PGCKA1: variants seen among roughly 807,000 people sequenced by gnomAD.
The protein encoded by PGCKA1 is PDCD10 and GCKIII kinases associated 1.
chr4:37,463,645 C>A, the PGCKA1 span, among the ~76,000 whole-genome samples: 17 of 152,034 alleles, frequency 1.1e-4, no homozygotes, highest in Non-Finnish European at 2.9e-5. Flanking sequence ...CAGCACAGGG[C>A]TAAATTGTGG....
At chr4:37,525,157 A>T in the PGCKA1 span, among the ~76,000 whole-genome samples, 29 of 152,288 alleles carry the variant, frequency 1.9e-4, 1 homozygote, top group African/African-American at 6.5e-4. Flanking sequence ...AGAGGAGGAG[A>T]ACTGAAAATG....
the PGCKA1 span, among the ~76,000 whole-genome samples, chr4:37,581,970 CTG>C: frequency 6.6e-6 from 1 of 152,204 alleles, no homozygotes; most frequent in African/African-American, 2.4e-5. This position sits in a 1 kb window ranked among gnomAD's most constrained non-coding sequence, Gnocchi z 4.4. Context: ...AATGCTCCCT[CTG>C]TGTGTGGGTA....
chr4:37,566,728 GCAC>G, the PGCKA1 span, among the ~76,000 whole-genome samples: 1 of 151,990 alleles, frequency 6.6e-6, no homozygotes, highest in African/African-American at 2.4e-5. Flanking sequence ...GACTACAGGT[GCAC>G]CACCACACCC....
chr4:37,582,202 T>C, the PGCKA1 span, among the ~76,000 whole-genome samples: 1 of 152,160 alleles, frequency 6.6e-6, no homozygotes, highest in African/African-American at 2.4e-5. Context: ...TTCAGCAATA[T>C]GAAGTTAAAA....
At chr4:37,544,424 G>T in the PGCKA1 span, among the ~76,000 whole-genome samples, 1 of 151,832 alleles carries the variant, frequency 6.6e-6, no homozygotes, top group African/African-American at 2.4e-5. Context: ...ATTTTGTGAC[G>T]AATTCCTTCC....
the PGCKA1 span, among the ~76,000 whole-genome samples, chr4:37,557,714 C>T: frequency 1.3e-5 from 2 of 152,222 alleles, no homozygotes; most frequent in Non-Finnish European, 2.9e-5. Flanking sequence ...ACAACTCCAA[C>T]ATTTCCAGTG....
chr4:37,583,287 TA>T, the PGCKA1 span, among the ~76,000 whole-genome samples: 1 of 152,168 alleles, frequency 6.6e-6, no homozygotes. Flanking sequence ...AATACTCAGT[TA>T]ATTTCTCTGC....
chr4:37,455,500 G>C, the PGCKA1 span, among the ~76,000 whole-genome samples: 2 of 152,170 alleles, frequency 1.3e-5, no homozygotes, highest in Admixed American at 6.5e-5. Context: ...GGCCCATTCT[G>C]TGTCTATCCT....
the PGCKA1 span, among the ~76,000 whole-genome samples, chr4:37,514,217 C>T: frequency 6.6e-6 from 1 of 152,124 alleles, no homozygotes; most frequent in Non-Finnish European, 1.5e-5. Flanking sequence ...TGTTGTAAAA[C>T]AGAAATTAGA....
At chr4:37,534,754 C>T in the PGCKA1 span, among the ~76,000 whole-genome samples, 3 of 152,144 alleles carry the variant, frequency 2.0e-5, no homozygotes, top group African/African-American at 4.8e-5. Flanking sequence ...TGTAAGGACA[C>T]TAATCCCATT....
At chr4:37,582,776 C>T in the PGCKA1 span, among the ~76,000 whole-genome samples, 4 of 152,244 alleles carry the variant, frequency 2.6e-5, no homozygotes, top group African/African-American at 9.6e-5. Context: ...CGCTGTATGC[C>T]GGGTTTCTCC....
At chr4:37,465,461 T>C in the PGCKA1 span, among the ~76,000 whole-genome samples, 1 of 152,182 alleles carries the variant, frequency 6.6e-6, no homozygotes, top group South Asian at 2.1e-4. Context: ...GAGTGGACTC[T>C]TACCCGGCAA....
chr4:37,459,799 C>CTT, the PGCKA1 span, among the ~76,000 whole-genome samples: 2 of 136,232 alleles, frequency 1.5e-5, no homozygotes, highest in East Asian at 4.2e-4. Context: ...AGCTTTCTTT[C>CTT]TTTTTTTTTT....
chr4:37,454,893 G>T, the PGCKA1 span, among the ~76,000 whole-genome samples: 2 of 152,216 alleles, frequency 1.3e-5, no homozygotes, highest in African/African-American at 2.4e-5. Context: ...TGGCAGCATA[G>T]ATACCTGCCC....
At chr4:37,593,360 G>A in the PGCKA1 span, among the ~76,000 whole-genome samples, 4 of 151,814 alleles carry the variant, frequency 2.6e-5, no homozygotes, top group African/African-American at 4.8e-5. Flanking sequence ...AATGACCCAC[G>A]TATCAATGAC....
the PGCKA1 span, among the ~76,000 whole-genome samples, chr4:37,513,089 CAA>C: frequency 2.8e-5 from 2 of 71,764 alleles, no homozygotes. Flanking sequence ...AATGCCATCT[CAA>C]AAAAAAAAAA....
chr4:37,469,169 T>G, the PGCKA1 span, among the ~76,000 whole-genome samples: 1 of 152,218 alleles, frequency 6.6e-6, no homozygotes, highest in East Asian at 1.9e-4. Context: ...TGTAGTAGGC[T>G]CTACCATCTA....
the PGCKA1 span, among the ~76,000 whole-genome samples, chr4:37,464,322 A>G: frequency 6.6e-5 from 10 of 152,282 alleles, no homozygotes; most frequent in East Asian, 1.9e-3. Flanking sequence ...TGGCTCTGCC[A>G]TTTGTTGTGG....
chr4:37,453,375 G>A, the PGCKA1 span, among the ~76,000 whole-genome samples: 1 of 152,136 alleles, frequency 6.6e-6, no homozygotes, highest in African/African-American at 2.4e-5. Flanking sequence ...GGGCCTTTAG[G>A]GTGCAGGCGA....
Sources: allele counts gnomAD v4.1 joint callset (sites outside exome capture counted in the v4.1 genomes callset), GRCh38; gene constraint gnomAD v4.1.1; non-coding constraint Gnocchi (gnomAD v3.1); transcripts MANE v1.5; gene names NCBI Gene and HGNC (gene_info 2026-07-23, HGNC 2026-07-21).